The following MFGE8 variants were observed in gnomAD, a reference collection of about 807,000 sequenced individuals.
MFGE8 encodes lactadherin.
A neutral mutation model predicts 42.6 loss-of-function variants in MFGE8; 34 were observed. That is an observed-to-expected ratio of 0.80 (90% CI 0.61 to 1.06). MFGE8 has a LOEUF of 1.06. Ranked by LOEUF, MFGE8 falls within the 50% of genes least tolerant of loss-of-function variation. The pLI is 0.00. For synonymous variants in MFGE8, 230 were observed against 214.8 expected (o/e 1.07, Z -0.62); for missense variants, 510 against 516.9 (o/e 0.99, Z 0.13).
chr15:88,908,473 G>C (rs1008595716), intron 2 of MFGE8, among the ~76,000 whole-genome samples: 2 of 152,170 alleles, frequency 1.3e-5, no homozygotes, highest in African/African-American at 4.8e-5. Context: ...GTCCTTGTTG[G>C]CTCCAAGGAA....
Position 88,903,758 on chromosome 15 carries a change from G to C in MFGE8, c.685+1999C>G, listed in dbSNP as rs1898539188. ...GCTCGCCTCGGCCTCCCAAAGTGCT[G>C]GGATTACAGGCGTGAGCCACCGCAC... On this transcript the variant is annotated intron_variant, in intron 5 of 7. Coordinates refer to ENST00000268150, the MANE Select transcript of MFGE8 (RefSeq NM_005928.4). This position sits in a 1 kb window ranked among gnomAD's most constrained non-coding sequence, Gnocchi z 4.9. The C allele has an allele frequency of 1.3e-5, 2 of 152,330 alleles. No homozygotes were observed. Among genetic ancestry groups the C allele is most frequent in the African/African-American group, 2.4e-5 (1 of 41,440 alleles). 9.4% of individuals were successfully genotyped at this position (152,330 alleles called of 1,614,324 possible).
In MFGE8 at chr15:88,913,253, C is replaced by T. The variant is rs1450866107; in HGVS notation, c.67G>A (p.Ala23Thr). 2 of 1,505,270 alleles carry T rather than the reference C, an allele frequency of 1.3e-6. No homozygotes were observed. The highest frequency in any genetic ancestry group is 1.2e-5 in the South Asian group (1 of 80,770). The allele number at this position is 1,505,270 out of a possible 1,614,324, so 93.2% of individuals were successfully genotyped here. Residue 23 changes from alanine (A) to threonine (T), a missense_variant, in exon 1 of 8, where the codon GCC becomes ACC. By Grantham distance (58) the Ala-to-Thr change is moderately conservative. Coordinates refer to ENST00000268150, the MANE Select transcript of MFGE8 (RefSeq NM_005928.4). Reference sequence around the variant, plus strand: ...GGCGGCGCGATCCACTCACCCAGGGCGACGAGGAGGCTGGGGGCGCAGAGC... The same window carrying T: ...GGCGGCGCGATCCACTCACCCAGGGTGACGAGGAGGCTGGGGGCGCAGAGC... ...ALLCAPSLLV[A>T]LDICSKNPCH...
At position 88,899,747 on chromosome 15, in the gene MFGE8, G is replaced by C; in HGVS notation, c.935C>G (p.Ser312Cys). The part of the protein sequence containing the change: ...IITQGARNFG[S>C]VQFVASYKVA... ...CTTGTAGGATGCCACAAACTGGACA[G>C]AGCCAAAGTTACGGGCCCCCTGGGT... is the stretch of plus-strand genomic sequence containing the variant. The change falls in exon 7 of 8, where the codon TCT becomes TGT. Residue 312 changes from serine to cysteine, a missense_variant. Transcript: ENST00000268150. The surrounding 1 kb of genome is among the most constrained non-coding windows in gnomAD (Gnocchi z 6.8). 1.2e-6 allele frequency: 2 copies of C among 1,614,210 alleles called. No homozygotes were observed. The highest frequency in any genetic ancestry group is 1.7e-6 in the Non-Finnish European group (2 of 1,180,028).
In MFGE8 at chr15:88,906,476, T is replaced by C; in HGVS notation, c.540+150A>G. 7.1e-6 allele frequency: 6 copies of C among 847,802 alleles called. No individual in the cohort carries two copies. Among genetic ancestry groups the C allele is most frequent in the Non-Finnish European group, 1.0e-5 (5 of 500,438 alleles). 52.5% of individuals were successfully genotyped at this position (847,802 alleles called of 1,614,324 possible). A position where few individuals can be genotyped will look rare whatever the true frequency, so the allele number is the denominator to read the frequency against. ...ACAGAACATGGACACAGTCTGGGTTTCCCAATTTCTAGAAGCCAAGATGCA... is the reference window on the plus strand; with the variant it reads ...ACAGAACATGGACACAGTCTGGGTTCCCCAATTTCTAGAAGCCAAGATGCA... On this transcript the variant is annotated intron_variant, in intron 4 of 7. Transcript: ENST00000268150. This position sits in a 1 kb window ranked among gnomAD's most constrained non-coding sequence, Gnocchi z 4.2.
chr15:88,912,750 C>T (rs1899026235), intron 1 of MFGE8: 3 of 985,332 alleles, frequency 3.0e-6, no homozygotes, highest in African/African-American at 1.7e-5. Flanking sequence ...ACTCCCCGGC[C>T]CTTCCCTTAT....
intron 1 of MFGE8, chr15:88,912,011 G>C: frequency 1.3e-6 from 1 of 798,712 alleles, no homozygotes; most frequent in South Asian, 1.5e-5. Context: ...CTTGGGTTGG[G>C]AATGGACTCT....
chr15:88,905,295 T>G lies in MFGE8; in HGVS notation c.685+462A>C. 1 of 365,116 alleles carries G rather than the reference T, an allele frequency of 2.7e-6. No homozygotes were observed. Among genetic ancestry groups the G allele is most frequent in the Non-Finnish European group, 5.4e-6 (1 of 186,384 alleles). 22.6% of individuals were successfully genotyped at this position (365,116 alleles called of 1,614,324 possible). A position where few individuals can be genotyped will look rare whatever the true frequency, so the allele number is the denominator to read the frequency against. ...ATGTGTACCCTTAATAAATCATTCA[T>G]CGGGGCCCCACGCCCCTCATTCATT... On this transcript the variant is annotated intron_variant, in intron 5 of 7. Coordinates refer to ENST00000268150, the MANE Select transcript of MFGE8 (RefSeq NM_005928.4). This position sits in a 1 kb window ranked among gnomAD's most constrained non-coding sequence, Gnocchi z 6.6.
rs200083963 is a variant in MFGE8, at chr15:88,909,786, A to T, written c.205+6T>A. 99 of 1,613,692 alleles carry T rather than the reference A, an allele frequency of 6.1e-5. No homozygotes were observed. Among genetic ancestry groups the T allele is most frequent in the Non-Finnish European group, 8.1e-5 (96 of 1,179,914 alleles). ...AAACAGGCAACAAGCACCCCCACATACTCACTCGTCTCACAGTGGTTGCCC... is the reference window on the plus strand; with the variant it reads ...AAACAGGCAACAAGCACCCCCACATTCTCACTCGTCTCACAGTGGTTGCCC... On this transcript the variant is annotated splice_donor_region_variant and intron_variant, in intron 2 of 7. Coordinates refer to ENST00000268150, the MANE Select transcript of MFGE8 (RefSeq NM_005928.4).
Position 88,899,223 on chromosome 15 carries a change from G to C in MFGE8, c.*172C>G, listed in dbSNP as rs373425117. On this transcript the variant is annotated 3_prime_UTR_variant, in exon 8 of 8. Coordinates refer to ENST00000268150, the MANE Select transcript of MFGE8 (RefSeq NM_005928.4). The surrounding 1 kb of genome is among the most constrained non-coding windows in gnomAD (Gnocchi z 6.8). ...GGGCTTAGGGGCTGGGGCAGGGCCC[G>C]TGAGAGGTGGAGGGTGGGAAAGAGG... The C allele has an allele frequency of 3.7e-4, 323 of 874,120 alleles. 1 individual carries two copies. The East Asian group carries it at 3.7e-3, about 10-fold the overall frequency. The allele number at this position is 874,120 out of a possible 1,614,324, so 54.1% of individuals were successfully genotyped here.
At position 88,905,389 on chromosome 15, in the gene MFGE8, C is replaced by A. The variant is rs1203952406; in HGVS notation, c.685+368G>T. ...GACACCATTCTAGGCCCTGGGAATA[C>A]CGAAGCAAACAAAACAGACAGATTC... On this transcript the variant is annotated intron_variant, in intron 5 of 7. Transcript: ENST00000268150. The surrounding 1 kb of genome is among the most constrained non-coding windows in gnomAD (Gnocchi z 6.6). 2.7e-5 allele frequency: 12 copies of A among 452,116 alleles called. No homozygotes were observed. Among genetic ancestry groups the A allele is most frequent in the Non-Finnish European group, 5.2e-5 (12 of 230,502 alleles). 28.0% of individuals were successfully genotyped at this position (452,116 alleles called of 1,614,324 possible).
rs1898986125 is a variant in MFGE8 at position 88,912,042 on chromosome 15, C to G, written c.73+1205G>C. 35 of 1,123,414 alleles carry G rather than the reference C, an allele frequency of 3.1e-5. No individual in the cohort carries two copies. The South Asian group carries it at 4.4e-4, about 14-fold the overall frequency. 69.6% of individuals were successfully genotyped at this position (1,123,414 alleles called of 1,614,324 possible). On this transcript the variant is annotated intron_variant, in intron 1 of 7. Coordinates refer to ENST00000268150, the MANE Select transcript of MFGE8 (RefSeq NM_005928.4). ...ACTCTTCCCTCCCAACTGCACCGGC[C>G]CTCTCCCTACACTGCTCCAGGGCAA...
intron 1 of MFGE8, chr15:88,911,045 G>C: frequency 6.6e-6 from 1 of 152,390 alleles, no homozygotes. Context: ...TCCCAGGGTG[G>C]GGAGCATCTG....
At chr15:88,911,563 A>C (rs1478939879) in intron 1 of MFGE8, among the ~76,000 whole-genome samples, 1 of 152,120 alleles carries the variant, frequency 6.6e-6, no homozygotes, top group African/African-American at 2.4e-5. Context: ...TCTACTAAAA[A>C]TACAAAAAAT....
At chr15:88,904,472 G>T (rs1159114041) in intron 5 of MFGE8, 1 of 152,210 alleles carries the variant, frequency 6.6e-6, no homozygotes, top group Non-Finnish European at 1.5e-5. Context: ...TCCTTGGTTT[G>T]CAAGACTCAC....
chr15:88,901,455 C>A (rs1412097214), intron 6 of MFGE8, 96 bp downstream of exon 6: 4 of 1,242,624 alleles, frequency 3.2e-6, no homozygotes, highest in Non-Finnish European at 4.7e-6. Context: ...TTTTGGGGAG[C>A]AGAAGAGAAG....
chr15:88,907,232 C>T lies in MFGE8; in HGVS notation c.350G>A (p.Trp117Ter). 1 of 1,614,020 alleles carries T rather than the reference C, an allele frequency of 6.2e-7. No individual in the cohort carries two copies. The highest frequency in any genetic ancestry group is 8.5e-7 in the Non-Finnish European group (1 of 1,179,982). Residue 117 changes from tryptophan to a stop codon, truncating the protein, a stop_gained, in exon 3 of 8, where the codon TGG becomes TAG. Transcript: ENST00000268150. LOFTEE classifies it high-confidence loss of function. ...GTTATCGTCATTGCTGCTGGGTGTC[C>T]AGGCATTGACCATGCCTGCGCGGTT... ...RLNRAGMVNA[W>*]TPSSNDDNPW...
intron 1 of MFGE8, among the ~76,000 whole-genome samples, chr15:88,911,912 C>T (rs1394749386): frequency 2.6e-5 from 4 of 152,068 alleles, no homozygotes; most frequent in African/African-American, 4.8e-5. Context: ...TAAAGTGGCT[C>T]CCAAGGAGCT....
intron 1 of MFGE8, chr15:88,912,955 G>A: frequency 8.1e-6 from 8 of 985,468 alleles, no homozygotes; most frequent in Non-Finnish European, 9.6e-6. Flanking sequence ...GGAAAAGAGA[G>A]GCCCGACACA....
At position 88,903,106 on chromosome 15, in the gene MFGE8, G is replaced by A. The variant is rs1207772373; in HGVS notation, c.686-1371C>T. ...TGGTTGTCCCTTGGCCCCAGAAGAG[G>A]AGAGGCCTGAGGCAGGCTAAAACCT... On this transcript the variant is annotated intron_variant, in intron 5 of 7. Transcript: ENST00000268150. This position sits in a 1 kb window ranked among gnomAD's most constrained non-coding sequence, Gnocchi z 4.9. 2.6e-5 allele frequency: 4 copies of A among 152,318 alleles called. No homozygotes were observed. Among genetic ancestry groups the A allele is most frequent in the Admixed American group, 2.6e-4 (4 of 15,280 alleles). 9.4% of individuals were successfully genotyped at this position (152,318 alleles called of 1,614,324 possible).
Sources: allele counts gnomAD v4.1 joint callset (sites outside exome capture counted in the v4.1 genomes callset), GRCh38; gene constraint gnomAD v4.1.1; non-coding constraint Gnocchi (gnomAD v3.1); transcripts MANE v1.5; gene names NCBI Gene and HGNC (gene_info 2026-07-23, HGNC 2026-07-21).